The following MCF2L variants were observed in gnomAD, a reference collection of about 807,000 sequenced individuals.
MCF2L encodes MCF.2 cell line derived transforming sequence like.
A neutral mutation model predicts 153.4 loss-of-function variants in MCF2L; 97 were observed. The ratio of observed to expected loss-of-function variants is 0.63; its 90% CI spans 0.54 to 0.75. The LOEUF is 0.75. Ranked by LOEUF, MCF2L falls within the 30% of genes least tolerant of loss-of-function variation. The probability of loss-of-function intolerance (pLI) is 0.00; values close to 1 mark genes in which losing one functional copy is unlikely to be tolerated. For missense variants in MCF2L, 1,347 were observed against 1,495.2 expected, an observed-to-expected ratio of 0.90 and a Z score of 1.64; for synonymous variants, 659 against 632.2, an observed-to-expected ratio of 1.04 and a Z score of -0.64.
chr13:112,958,602 T>C (rs1204914476), intron 2 of MCF2L, among the ~76,000 whole-genome samples: 3 of 152,234 alleles, frequency 2.0e-5, no homozygotes, highest in Non-Finnish European at 4.4e-5. Flanking sequence ...CTCATTTCCC[T>C]GAAATGCATC....
chr13:112,964,333 A>G (rs77977941), upstream of MCF2L, among the ~76,000 whole-genome samples: 1 of 152,152 alleles, frequency 6.6e-6, no homozygotes, highest in Non-Finnish European at 1.5e-5. Context: ...TTGTTTTTTA[A>G]CCAAACAAAC....
In MCF2L at chr13:113,076,924, G is replaced by T. The variant is rs986468590; in HGVS notation, c.1501-128G>T. The T allele has an allele frequency of 1.0e-4, 104 of 1,030,682 alleles. 1 individual carries two copies. In the South Asian group the frequency reaches 1.6e-3, roughly 16 times the overall value. The allele number at this position is 1,030,682 out of a possible 1,614,324, so 63.8% of individuals were successfully genotyped here. ...GGGCTGGACACAGCTGCGCTGCGCT[G>T]ACAGACCCCGCATGGAGAACATTTA... is the stretch of plus-strand genomic sequence containing the variant. On this transcript the variant is annotated intron_variant, in intron 12 of 29. Transcript: ENST00000535094.
In MCF2L at chr13:113,075,064, G is replaced by A. The variant is rs145260894; in HGVS notation, c.1183G>A (p.Ala395Thr). Residue 395 changes from alanine to threonine, a missense_variant, in exon 11 of 30, where the codon GCG becomes ACG. Physicochemically the swap from Ala to Thr is moderately conservative, Grantham distance 58. This residue lies in a region of MCF2L where 820 missense variants were observed against 921.2 expected (regional missense o/e 0.89). Coordinates refer to ENST00000535094, the MANE Select transcript of MCF2L (RefSeq NM_001112732.3). ...GCAGCTCATTGGGAACAAGCACTAC[G>A]CGGTAGACTCCATCCGCCCAAAGTG... The part of the protein sequence containing the change: ...GEQLIGNKHY[A>T]VDSIRPKCQE... 994 of 1,613,816 alleles carry A rather than the reference G, an allele frequency of 6.2e-4. 2 individuals are homozygous for A. Among genetic ancestry groups the A allele is most frequent in the Non-Finnish European group, 4.6e-4 (540 of 1,179,996 alleles).
intron 5 of MCF2L, among the ~76,000 whole-genome samples, chr13:113,063,588 A>G (rs534991379): frequency 6.6e-6 from 1 of 152,304 alleles, no homozygotes; most frequent in African/African-American, 2.4e-5. Flanking sequence ...GCAAGCAGTC[A>G]GACGGGACCA....
At chr13:113,094,444 C>T (rs2035476138) in intron 26 of MCF2L, 70 bp from the exon 27 acceptor site, 2 of 1,517,522 alleles carry the variant, frequency 1.3e-6, no homozygotes, top group Admixed American at 2.1e-5. Context: ...ACTTAGCTGA[C>T]CCCACCTCAG....
At chr13:112,902,501 CA>C (rs1286845025) in intron 2 of MCF2L, 6 of 968,674 alleles carry the variant, frequency 6.2e-6, no homozygotes, top group Non-Finnish European at 8.8e-6. Flanking sequence ...CATGACCCCC[CA>C]GGTAGCAGGC....
chr13:113,072,257 A>G (rs2032991782), intron 9 of MCF2L, among the ~76,000 whole-genome samples: 1 of 152,222 alleles, frequency 6.6e-6, no homozygotes, highest in Non-Finnish European at 1.5e-5. Context: ...TTTTCCATAT[A>G]GACCATCATG....
At chr13:112,914,270 T>C (rs889513676) in intron 2 of MCF2L, among the ~76,000 whole-genome samples, 1 of 152,234 alleles carries the variant, frequency 6.6e-6, no homozygotes, top group African/African-American at 2.4e-5. Flanking sequence ...TCCTCCTTTT[T>C]TGTACAAAAG....
chr13:113,059,105 G>A (rs2030923373), intron 4 of MCF2L, among the ~76,000 whole-genome samples: 1 of 152,204 alleles, frequency 6.6e-6, no homozygotes, highest in African/African-American at 2.4e-5. Flanking sequence ...AATCCTAAGT[G>A]AGGTCCCAGC....
At chr13:112,948,895 G>A (rs950076159) in intron 2 of MCF2L, among the ~76,000 whole-genome samples, 3 of 152,236 alleles carry the variant, frequency 2.0e-5, no homozygotes, top group Middle Eastern at 3.4e-3. Context: ...GTGAAACCCC[G>A]TCTCTACTAA....
In MCF2L at chr13:112,902,348, C is replaced by T. The variant is rs534913827; in HGVS notation, c.146C>T (p.Pro49Leu). 1.7e-5 allele frequency: 28 copies of T among 1,612,476 alleles called. No homozygotes were observed. In the Admixed American group the frequency reaches 3.3e-4, roughly 19 times the overall value. Residue 49 changes from proline to leucine, a missense_variant, in exon 2 of 30, where the codon CCG becomes CTG. Coordinates refer to the MCF2L transcript ENST00000375608. The stretch of plus-strand genomic sequence containing the variant: ...GTCATCAGGCTTGTTCAAGACACAC[C>T]GGAGGCGACGGCCATGGCCACAGGT...
chr13:113,084,628 G>A (rs932570962), intron 18 of MCF2L: 12 of 514,178 alleles, frequency 2.3e-5, no homozygotes, highest in Middle Eastern at 5.0e-4. Flanking sequence ...GTGGAACCCC[G>A]TCTCCACTCC....
chr13:112,954,655 G>A (rs1205951637), intron 2 of MCF2L, among the ~76,000 whole-genome samples: 1 of 152,080 alleles, frequency 6.6e-6, no homozygotes, highest in Non-Finnish European at 1.5e-5. Context: ...GTGGGCTCAG[G>A]GTGTTTTCAG....
chr13:113,084,024 A>G lies in MCF2L; in HGVS notation c.2018A>G (p.Tyr673Cys), dbSNP rs757213665. 4 of 1,614,018 alleles carry G rather than the reference A, an allele frequency of 2.5e-6. No individual in the cohort carries two copies. In the Admixed American group the frequency reaches 5.0e-5, roughly 20 times the overall value. Residue 673 changes from tyrosine (Y) to cysteine (C), a missense_variant, in exon 18 of 30, where the codon TAC becomes TGC. Transcript: ENST00000535094. ...ATATTCCTCAGGGAGCTGGAAAACT[A>G]CACTGACTGCCCAGAACTGGTTGGA... Reference protein sequence around the residue: ...NRIFLRELENYTDCPELVGRC... With the variant: ...NRIFLRELENCTDCPELVGRC...
At chr13:112,959,868 C>T (rs1208345482) in intron 2 of MCF2L, among the ~76,000 whole-genome samples, 1 of 152,228 alleles carries the variant, frequency 6.6e-6, no homozygotes, top group Non-Finnish European at 1.5e-5. Flanking sequence ...CACACAGGCT[C>T]ACGAGGCTTT....
chr13:113,085,633 A>C (rs931517364), intron 20 of MCF2L, among the ~76,000 whole-genome samples: 4 of 151,564 alleles, frequency 2.6e-5, no homozygotes, highest in Non-Finnish European at 5.9e-5. Flanking sequence ...AGCAGGTGCG[A>C]GGGGTTTGCA....
chr13:112,964,037 G>T (rs9604006), intron 2 of MCF2L, among the ~76,000 whole-genome samples: 3,356 of 152,176 alleles, frequency 0.022, 135 homozygotes, highest in African/African-American at 0.077. Context: ...GAGAGAGGTT[G>T]GGTTAACCAG....
chr13:113,079,501 C>G (rs2033872020), intron 15 of MCF2L, among the ~76,000 whole-genome samples: 1 of 152,192 alleles, frequency 6.6e-6, no homozygotes, highest in African/African-American at 2.4e-5. Context: ...CACGTCTCCC[C>G]CTTTCACCAT....
intron 1 of MCF2L, among the ~76,000 whole-genome samples, chr13:112,895,527 A>G (rs1407350261): frequency 6.6e-6 from 1 of 152,088 alleles, no homozygotes. Flanking sequence ...TCTAGCCCCC[A>G]GGACTCCTAA....
Sources: allele counts gnomAD v4.1 joint callset (sites outside exome capture counted in the v4.1 genomes callset), GRCh38; gene constraint gnomAD v4.1.1; regional missense constraint gnomAD v4.1.1; transcripts MANE v1.5; gene names NCBI Gene and HGNC (gene_info 2026-07-23, HGNC 2026-07-21).